The following KDM5B variants were observed in gnomAD, a reference collection of about 807,000 sequenced individuals.
The protein encoded by KDM5B is lysine demethylase 5B.
In KDM5B, 144 loss-of-function variants were observed where a neutral mutation model predicts 193.4. That is an observed-to-expected ratio of 0.74 (90% CI 0.65 to 0.86). The LOEUF (loss-of-function observed/expected upper bound fraction) is 0.86, where lower values mean the gene tolerates loss of function less well. Ranked by LOEUF, KDM5B falls within the 40% of genes least tolerant of loss-of-function variation. The pLI is 0.00. For missense variants in KDM5B, 1,833 were observed against 1,886.9 expected (o/e 0.97, Z 0.53); for synonymous variants, 668 against 682.6 (o/e 0.98, Z 0.33).
At chr1:202,741,868 C>A (rs1210739342) in intron 18 of KDM5B, 146 bp from the exon 19 acceptor site, 6 of 601,400 alleles carry the variant, frequency 1.0e-5, no homozygotes, top group African/African-American at 9.3e-5. Flanking sequence ...CATAAGCCAA[C>A]TAACAGCAAA....
intron 4 of KDM5B, among the ~76,000 whole-genome samples, chr1:202,767,861 C>T (rs1452694788): frequency 1.3e-5 from 2 of 151,838 alleles, no homozygotes; most frequent in African/African-American, 2.4e-5. Context: ...TTAGAAAGGC[C>T]CCTTATAAGC....
At chr1:202,749,807 A>C (rs573916189) in intron 13 of KDM5B, among the ~76,000 whole-genome samples, 3 of 152,354 alleles carry the variant, frequency 2.0e-5, no homozygotes, top group African/African-American at 7.2e-5. Context: ...TCAGGGAATA[A>C]TACTCTGAAA....
In KDM5B at chr1:202,741,503, C is replaced by T. The variant is rs1248702938; in HGVS notation, c.2809G>A (p.Asp937Asn). Residue 937 changes from aspartate (D) to asparagine (N), a missense_variant, in exon 19 of 27, where the codon GAT becomes AAT. Physicochemically the swap from Asp to Asn is conservative, Grantham distance 23. This residue lies in a region of KDM5B where 1,379 missense variants were observed against 1,349.6 expected (regional missense o/e 1.02). Transcript: ENST00000367265. ...CCTAGGTCTATGAGACGTCTCATAT[C>T]ATCTAAAGTAAGGGAGCTGGGGTCT... ...CLDPSSLTLD[D>N]MRRLIDLGVG... 6.2e-7 allele frequency: 1 copy of T among 1,614,234 alleles called. No individual in the cohort carries two copies. The highest frequency in any genetic ancestry group is 2.2e-5 in the East Asian group (1 of 44,892).
chr1:202,741,138 G>T (rs1286231428), intron 19 of KDM5B, among the ~76,000 whole-genome samples: 1 of 152,150 alleles, frequency 6.6e-6, no homozygotes, highest in Non-Finnish European at 1.5e-5. Flanking sequence ...TCTAGAAAAG[G>T]TGTGTCCAAT....
In KDM5B at chr1:202,742,339, T is replaced by C. The variant is rs190327273; in HGVS notation, c.2589+52A>G. The C allele has an allele frequency of 7.7e-4, 963 of 1,251,688 alleles. 6 individuals carry two copies. The highest frequency in any genetic ancestry group is 2.0e-4 in the Non-Finnish European group (168 of 854,506). 77.5% of individuals were successfully genotyped at this position (1,251,688 alleles called of 1,614,324 possible). ...CTTAGTAATATCAATAGAGTTTATA[T>C]ACAAAATACAGGATTACCAAAGTAT... is the stretch of plus-strand genomic sequence containing the variant. On this transcript the variant is annotated intron_variant, in intron 18 of 26. Coordinates refer to ENST00000367265, the MANE Select transcript of KDM5B (RefSeq NM_006618.5).
rs751975309 is a variant in KDM5B at position 202,729,841 on chromosome 1, GCTCT to G, written c.4359_4362del (p.Arg1453SerfsTer6). On this transcript the variant is annotated frameshift_variant, in exon 26 of 27. Transcript: ENST00000367265. LOFTEE classifies it high-confidence loss of function. ...GCAGAACGAACTAATTCATAGCTAC[GCTCT>G]CTCTCTAACTTGAAATTGTTCATGT... 3.7e-6 allele frequency: 6 copies of G among 1,613,976 alleles called. No homozygotes were observed. The highest frequency in any genetic ancestry group is 1.7e-5 in the Admixed American group (1 of 59,990).
At chr1:202,765,080 C>T (rs1393933334) in intron 5 of KDM5B, among the ~76,000 whole-genome samples, 1 of 152,224 alleles carries the variant, frequency 6.6e-6, no homozygotes, top group African/African-American at 2.4e-5. Context: ...TTTATTCAAT[C>T]ATCGCAATAA....
intron 1 of KDM5B, among the ~76,000 whole-genome samples, chr1:202,790,316 G>A (rs898670874): frequency 2.0e-5 from 3 of 152,054 alleles, no homozygotes; most frequent in African/African-American, 7.2e-5. Flanking sequence ...AGTGGCTCAC[G>A]CTTGTAACCT....
chr1:202,757,673 G>T (rs1365709439), intron 9 of KDM5B, among the ~76,000 whole-genome samples: 2 of 152,142 alleles, frequency 1.3e-5, no homozygotes, highest in African/African-American at 4.8e-5. Flanking sequence ...GATGTTAGAG[G>T]TGCTGGGGAA....
chr1:202,755,177 T>C, intron 11 of KDM5B, 94 bp downstream of exon 11: 2 of 899,686 alleles, frequency 2.2e-6, no homozygotes, highest in Admixed American at 2.3e-5. Context: ...AGTTCAATGC[T>C]CTTCAGACAC....
chr1:202,790,517 C>T (rs966817253), intron 1 of KDM5B, among the ~76,000 whole-genome samples: 7 of 152,046 alleles, frequency 4.6e-5, no homozygotes, highest in East Asian at 1.9e-4. Context: ...GTCTGGAGTT[C>T]GAGACCAGCG....
chr1:202,799,042 T>TA (rs1456722619), intron 1 of KDM5B, among the ~76,000 whole-genome samples: 1 of 152,046 alleles, frequency 6.6e-6, no homozygotes, highest in African/African-American at 2.4e-5. Context: ...GGAAATCCCT[T>TA]CACTATATGG....
chr1:202,779,687 C>CA (rs1657114627), intron 1 of KDM5B, among the ~76,000 whole-genome samples: 1 of 151,812 alleles, frequency 6.6e-6, no homozygotes, highest in Middle Eastern at 3.2e-3. Context: ...CCTGTAGTCC[C>CA]AGCTACTCAG....
At chr1:202,770,347 CA>C (rs2102290832) in intron 4 of KDM5B, among the ~76,000 whole-genome samples, 2 of 152,222 alleles carry the variant, frequency 1.3e-5, no homozygotes, top group East Asian at 3.9e-4. Context: ...TCCACTGGAA[CA>C]GTGCATCAAC....
intron 20 of KDM5B, among the ~76,000 whole-genome samples, chr1:202,737,790 T>G (rs1420403294): frequency 6.6e-6 from 1 of 152,126 alleles, no homozygotes; most frequent in East Asian, 1.9e-4. Flanking sequence ...CGCTACAAGA[T>G]TAAAAGAAAC....
intron 9 of KDM5B, among the ~76,000 whole-genome samples, chr1:202,758,110 G>T (rs1322253903): frequency 6.6e-6 from 1 of 152,120 alleles, no homozygotes; most frequent in Non-Finnish European, 1.5e-5. Flanking sequence ...TATTTGTTGG[G>T]CCAAAATGAT....
At chr1:202,748,863 C>T in intron 14 of KDM5B, 82 bp downstream of exon 14, 2 of 1,139,786 alleles carry the variant, frequency 1.8e-6, no homozygotes, top group Non-Finnish European at 1.3e-6. Flanking sequence ...AAAAAGACTG[C>T]TTAAAATGAT....
At chr1:202,781,098 T>C (rs1250721297) in intron 1 of KDM5B, among the ~76,000 whole-genome samples, 3 of 152,186 alleles carry the variant, frequency 2.0e-5, no homozygotes, top group African/African-American at 7.2e-5. Context: ...GGAGGATCAC[T>C]TGAAGCTAGC....
At chr1:202,787,645 T>C (rs1657463454) in intron 1 of KDM5B, among the ~76,000 whole-genome samples, 1 of 152,054 alleles carries the variant, frequency 6.6e-6, no homozygotes, top group African/African-American at 2.4e-5. Context: ...CCCAGCACTT[T>C]GGGAGGCCAA....
Sources: allele counts gnomAD v4.1 joint callset (sites outside exome capture counted in the v4.1 genomes callset), GRCh38; gene constraint gnomAD v4.1.1; regional missense constraint gnomAD v4.1.1; transcripts MANE v1.5; gene names NCBI Gene and HGNC (gene_info 2026-07-23, HGNC 2026-07-21).